HEPH: variants seen among roughly 807,000 people sequenced by gnomAD.
The protein encoded by HEPH is hephaestin.
A neutral mutation model predicts 80.8 loss-of-function variants in HEPH; 69 were observed. The ratio of observed to expected loss-of-function variants is 0.85; its 90% CI spans 0.70 to 1.04. HEPH has a LOEUF of 1.04. Ranked by LOEUF, HEPH falls within the 50% of genes least tolerant of loss-of-function variation. The probability of loss-of-function intolerance (pLI) is 0.00; values close to 1 mark genes in which losing one functional copy is unlikely to be tolerated. For synonymous variants in HEPH, 431 were observed against 322.8 expected, an observed-to-expected ratio of 1.34 and a Z score of -3.60; for missense variants, 1,115 against 891.3, an observed-to-expected ratio of 1.25 and a Z score of -3.20.
At chrX:66,213,664 C>A (rs1258684312) in intron 15 of HEPH, among the ~76,000 whole-genome samples, 4 of 110,867 alleles carry the variant, frequency 3.6e-5, no homozygotes, top group African/African-American at 1.3e-4. Context: ...AATACCTGGG[C>A]AAGAAGAGCC....
At chrX:66,223,776 C>T (rs2089756280) in intron 15 of HEPH, among the ~76,000 whole-genome samples, 1 of 111,348 alleles carries the variant, frequency 9.0e-6, no homozygotes, top group East Asian at 2.8e-4. Flanking sequence ...CATTCTTATG[C>T]CTCCTTCTAA....
chrX:66,223,904 A>G (rs73630915), intron 15 of HEPH, among the ~76,000 whole-genome samples: 6,778 of 111,486 alleles, frequency 0.061, 477 homozygotes, highest in African/African-American at 0.21. Context: ...CATTTCTTGC[A>G]TAAATTCTTT....
intron 13 of HEPH, 65 bp downstream of exon 13, chrX:66,203,642 A>T: frequency 1.0e-6 from 1 of 978,955 alleles, no homozygotes; most frequent in Non-Finnish European, 1.4e-6. Context: ...GAATACTGAA[A>T]TTCTGAGATG....
chrX:66,171,305 C>A (rs2086586865), intron 2 of HEPH: 1 of 198,637 alleles, frequency 5.0e-6, no homozygotes, highest in African/African-American at 3.1e-5. Flanking sequence ...GATGAGAAAA[C>A]TGAGGCTCAG....
intron 12 of HEPH, among the ~76,000 whole-genome samples, chrX:66,203,010 G>A (rs1032772908): frequency 9.6e-6 from 1 of 104,626 alleles, no homozygotes; most frequent in African/African-American, 3.5e-5. Flanking sequence ...ATAAATGAAA[G>A]ATAGGGTTAC....
chrX:66,212,479 G>A (rs1332843840), intron 15 of HEPH, among the ~76,000 whole-genome samples: 1 of 111,221 alleles, frequency 9.0e-6, no homozygotes, highest in Non-Finnish European at 1.9e-5. Flanking sequence ...TATCCATCGT[G>A]AGATAATTTT....
chrX:66,234,731 G>T (rs1191937826), intron 15 of HEPH, among the ~76,000 whole-genome samples: 1 of 110,796 alleles, frequency 9.0e-6, no homozygotes, highest in African/African-American at 3.3e-5. Context: ...CCGCCTCCTG[G>T]GTTCAAGCAA....
chrX:66,239,495 T>C (rs897735790), intron 15 of HEPH, among the ~76,000 whole-genome samples: 1 of 112,293 alleles, frequency 8.9e-6, no homozygotes, highest in Non-Finnish European at 1.9e-5. Flanking sequence ...ATGGTTAAGA[T>C]TTCTTGTTCA....
At chrX:66,234,054 C>T (rs1374783014) in intron 15 of HEPH, among the ~76,000 whole-genome samples, 2 of 110,717 alleles carry the variant, frequency 1.8e-5, no homozygotes, top group African/African-American at 6.6e-5. Flanking sequence ...GATCCTTTCC[C>T]TCTTCCCACC....
At chrX:66,205,739 G>A (rs1429270229) in intron 13 of HEPH, among the ~76,000 whole-genome samples, 1 of 110,214 alleles carries the variant, frequency 9.1e-6, no homozygotes, top group Non-Finnish European at 1.9e-5. Context: ...GGGACTACAG[G>A]TGCACGCTGC....
At chrX:66,178,211 T>A (rs1269123355) in intron 4 of HEPH, among the ~76,000 whole-genome samples, 3 of 111,726 alleles carry the variant, frequency 2.7e-5, no homozygotes, top group Non-Finnish European at 3.8e-5. Flanking sequence ...TTTTTGTCCT[T>A]GCAATAGTTT....
chrX:66,266,483 G>T lies in HEPH; in HGVS notation c.3288G>T (p.Leu1096=). The T allele has an allele frequency of 8.3e-7, 1 of 1,209,602 alleles. No individual in the cohort carries two copies. Residue 1096 remains leucine, a synonymous_variant, in exon 21 of 21, where the codon CTG becomes CTT. Coordinates refer to ENST00000343002, the MANE Select transcript of HEPH (RefSeq NM_001367233.3). ...TTGAAGAAGGCAATGTGAAGATGCT[G>T]GGCATGCAGATCCCCATAAAGAATG... ...RDIEEGNVKM[L]GMQIPIKNVE...
intron 4 of HEPH, among the ~76,000 whole-genome samples, chrX:66,178,149 G>C (rs1347682849): frequency 9.0e-6 from 1 of 110,965 alleles, no homozygotes; most frequent in African/African-American, 3.3e-5. Flanking sequence ...CTGTGTCCAA[G>C]TGTTCTCATT....
At chrX:66,196,511 C>A (rs1350565674) in intron 9 of HEPH, among the ~76,000 whole-genome samples, 1 of 111,963 alleles carries the variant, frequency 8.9e-6, no homozygotes, top group African/African-American at 3.2e-5. Context: ...CCATATGTTT[C>A]TTTGAATGTT....
chrX:66,212,788 C>G (rs1373835934), intron 15 of HEPH, among the ~76,000 whole-genome samples: 2 of 110,303 alleles, frequency 1.8e-5, no homozygotes, highest in African/African-American at 6.6e-5. Flanking sequence ...TTGTTTATGG[C>G]TCAGGACTGC....
At chrX:66,252,069 G>C (rs2091023820) in intron 15 of HEPH, among the ~76,000 whole-genome samples, 1 of 111,583 alleles carries the variant, frequency 9.0e-6, no homozygotes, top group Non-Finnish European at 1.9e-5. Context: ...GGTAGCAGTG[G>C]AGATGGGTAG....
intron 15 of HEPH, among the ~76,000 whole-genome samples, chrX:66,249,367 G>A (rs1476548639): frequency 1.8e-5 from 2 of 111,956 alleles, no homozygotes; most frequent in Non-Finnish European, 3.8e-5. Flanking sequence ...TTGAATTAAT[G>A]TATTTTAAGT....
upstream of HEPH, among the ~76,000 whole-genome samples, chrX:66,163,234 C>T (rs1213586281): frequency 4.5e-5 from 5 of 111,174 alleles, no homozygotes; most frequent in South Asian, 3.8e-4. Flanking sequence ...GCAAGTGGGG[C>T]GAGAACCTTG....
In HEPH at chrX:66,267,318, G is replaced by A. The variant is rs1003804443; in HGVS notation, c.*646G>A. Reference sequence around the variant, plus strand: ...AGTTCTTAACCTGTGGCACTGAAAGGAATGTTGAGTTACCTCTTCATGTTT... The same window carrying A: ...AGTTCTTAACCTGTGGCACTGAAAGAAATGTTGAGTTACCTCTTCATGTTT... On this transcript the variant is annotated 3_prime_UTR_variant, in exon 21 of 21. Coordinates refer to ENST00000343002, the MANE Select transcript of HEPH (RefSeq NM_001367233.3). 4 of 112,265 alleles carry A rather than the reference G, an allele frequency of 3.6e-5. No individual in the cohort carries two copies. The highest frequency in any genetic ancestry group is 5.6e-5 in the Non-Finnish European group (3 of 53,338). 9.3% of individuals were successfully genotyped at this position (112,265 alleles called of 1,213,427 possible).
Sources: gnomAD v4.1 joint callset for allele counts (sites outside exome capture counted in the v4.1 genomes callset) on GRCh38, gnomAD v4.1.1 for gene constraint, MANE v1.5 for transcripts, NCBI Gene and HGNC (gene_info 2026-07-23, HGNC 2026-07-21) for gene names.